The following PRKCA variants were observed in gnomAD, a reference collection of about 807,000 sequenced individuals.
PRKCA encodes protein kinase C alpha.
Under a neutral mutation model 87.0 loss-of-function variants are expected in PRKCA, and 27 were observed. The ratio of observed to expected loss-of-function variants is 0.31; its 90% confidence interval spans 0.23 to 0.43. PRKCA has a LOEUF of 0.43. Among genes scored for constraint, PRKCA ranks in the 20% least tolerant of loss-of-function variants. The probability of loss-of-function intolerance (pLI) is 1.00; values close to 1 mark genes in which losing one functional copy is unlikely to be tolerated. For synonymous variants in PRKCA, 329 were observed against 311.1 expected, an observed-to-expected ratio of 1.06 and a Z score of -0.61; for missense variants, 518 against 852.3, an observed-to-expected ratio of 0.61 and a Z score of 4.88.
chr17:66,502,055 C>G (rs1162735289), intron 3 of PRKCA, among the ~76,000 whole-genome samples: 1 of 152,168 alleles, frequency 6.6e-6, no homozygotes, highest in Non-Finnish European at 1.5e-5. Flanking sequence ...TCTTCTTGAT[C>G]AGTGCGGAGC....
chr17:66,375,305 G>A (rs976690137), intron 2 of PRKCA, among the ~76,000 whole-genome samples: 5 of 152,114 alleles, frequency 3.3e-5, no homozygotes, highest in African/African-American at 7.2e-5. Flanking sequence ...CCTGTCACCC[G>A]GAAAAACCCT....
At chr17:66,393,602 C>T (rs1372325288) in intron 2 of PRKCA, among the ~76,000 whole-genome samples, 1 of 151,936 alleles carries the variant, frequency 6.6e-6, no homozygotes, top group East Asian at 1.9e-4. Context: ...CACATGGGTC[C>T]CTGCAGGAGG....
intron 3 of PRKCA, among the ~76,000 whole-genome samples, chr17:66,630,520 G>T (rs1043613948): frequency 2.0e-5 from 3 of 152,198 alleles, no homozygotes; most frequent in Non-Finnish European, 4.4e-5. Context: ...ACAGACTGTC[G>T]TTCAGTTTCA....
chr17:66,797,428 G>A (rs957365907), intron 16 of PRKCA, among the ~76,000 whole-genome samples: 1 of 152,232 alleles, frequency 6.6e-6, no homozygotes, highest in African/African-American at 2.4e-5. Flanking sequence ...CCAGAGATCA[G>A]AAAGAGGGAG....
At position 66,558,716 on chromosome 17, in the gene PRKCA, G is replaced by A. The variant is rs76490919; in HGVS notation, c.288+62433G>A. Among the ~76,000 whole-genome samples the A allele has an allele frequency of 3.8e-3, 583 of 152,296 alleles. 4 individuals carry two copies. Among genetic ancestry groups the A allele is most frequent in the African/African-American group, 0.013 (549 of 41,560 alleles). On this transcript the variant is annotated intron_variant, in intron 3 of 16. Transcript: ENST00000413366. ...GGGGAGGGAGGACAGACTGTAAGTGGAAAAGAGAGAATGTGAGAAGAGTAG... is the reference window on the plus strand; with the variant it reads ...GGGGAGGGAGGACAGACTGTAAGTGAAAAAGAGAGAATGTGAGAAGAGTAG...
chr17:66,522,578 C>T (rs937401604), intron 3 of PRKCA, among the ~76,000 whole-genome samples: 5 of 151,986 alleles, frequency 3.3e-5, no homozygotes, highest in Non-Finnish European at 5.9e-5. Context: ...ATAAAGAGAC[C>T]GAATTCCTTC....
chr17:66,708,876 G>A (rs555717623), intron 8 of PRKCA, among the ~76,000 whole-genome samples: 14 of 152,246 alleles, frequency 9.2e-5, no homozygotes, highest in South Asian at 2.1e-4. Context: ...GATTAAGATC[G>A]CTATCCTAAA....
intron 2 of PRKCA, among the ~76,000 whole-genome samples, chr17:66,488,298 G>T (rs144005151): frequency 1.1e-3 from 171 of 152,266 alleles, no homozygotes; most frequent in African/African-American, 4.0e-3. Flanking sequence ...AAATTATATG[G>T]TATGTAAATG....
chr17:66,722,136 G>A (rs763042790), intron 8 of PRKCA, among the ~76,000 whole-genome samples: 7 of 152,158 alleles, frequency 4.6e-5, no homozygotes. Context: ...TTAGAGGTCA[G>A]AAATTTCTAT....
intron 3 of PRKCA, among the ~76,000 whole-genome samples, chr17:66,504,940 G>A (rs574009793): frequency 9.9e-5 from 15 of 152,148 alleles, no homozygotes; most frequent in East Asian, 1.9e-4. Flanking sequence ...ATGTCCTGTC[G>A]GGACCCCCCT....
chr17:66,778,592 C>T (rs1379805968), intron 14 of PRKCA, among the ~76,000 whole-genome samples: 2 of 152,014 alleles, frequency 1.3e-5, no homozygotes, highest in African/African-American at 4.8e-5. Flanking sequence ...TGGCTCATCC[C>T]TTTGGGGCCC....
intron 14 of PRKCA, among the ~76,000 whole-genome samples, chr17:66,784,625 GA>G (rs1430593474): frequency 6.6e-6 from 1 of 152,234 alleles, no homozygotes; most frequent in African/African-American, 2.4e-5. Flanking sequence ...GGGAAAATGA[GA>G]AATGTTATGG....
At chr17:66,336,974 A>G (rs1436520415) in intron 2 of PRKCA, among the ~76,000 whole-genome samples, 3 of 152,080 alleles carry the variant, frequency 2.0e-5, no homozygotes, top group Non-Finnish European at 2.9e-5. Context: ...TACTTTTAGT[A>G]GAGATGGGGT....
In PRKCA at chr17:66,418,657, G is replaced by A. The variant is rs371689373; in HGVS notation, c.206-77544G>A. Among the ~76,000 whole-genome samples the A allele has an allele frequency of 6.6e-5, 10 of 151,984 alleles. 1 individual carries two copies. The highest frequency in any genetic ancestry group is 6.2e-4 in the South Asian group (3 of 4,806). On this transcript the variant is annotated intron_variant, in intron 2 of 16. Transcript: ENST00000413366. ...TCACCATATTGGCCAGGGTGGCCTCGATCTCCTGACCTCAAGTGATCTTCC... is the reference window on the plus strand; with the variant it reads ...TCACCATATTGGCCAGGGTGGCCTCAATCTCCTGACCTCAAGTGATCTTCC...
intron 3 of PRKCA, among the ~76,000 whole-genome samples, chr17:66,605,510 A>G (rs1310080410): frequency 6.6e-6 from 1 of 152,256 alleles, no homozygotes; most frequent in African/African-American, 2.4e-5. Context: ...TCTGGAATGT[A>G]CATTGGTACA....
At chr17:66,798,452 ACGGTGGTGG>A (rs1975740664) in intron 16 of PRKCA, among the ~76,000 whole-genome samples, 1 of 8,954 alleles carries the variant, frequency 1.1e-4, no homozygotes, top group African/African-American at 5.1e-4. Flanking sequence ...GGTGGTGGTG[ACGGTGGTGG>A]TGGTGGTGGT....
At chr17:66,495,566 T>TATTTTA (rs1567858271) in intron 2 of PRKCA, among the ~76,000 whole-genome samples, 4 of 151,762 alleles carry the variant, frequency 2.6e-5, no homozygotes, top group African/African-American at 2.4e-5. Flanking sequence ...TATTTTATTT[T>TATTTTA]TTGAGACGGA....
intron 3 of PRKCA, among the ~76,000 whole-genome samples, chr17:66,520,581 A>G (rs1312755750): frequency 1.3e-5 from 2 of 152,240 alleles, no homozygotes; most frequent in Non-Finnish European, 2.9e-5. Flanking sequence ...TTGAATGCAC[A>G]GTTTGTATTT....
intron 3 of PRKCA, among the ~76,000 whole-genome samples, chr17:66,551,658 G>A (rs1406031611): frequency 6.6e-6 from 1 of 152,138 alleles, no homozygotes; most frequent in African/African-American, 2.4e-5. Context: ...GATATTGTTT[G>A]AACACTTAAG....
Sources: gnomAD v4.1 joint callset for allele counts (sites outside exome capture counted in the v4.1 genomes callset) on GRCh38, gnomAD v4.1.1 for gene constraint, MANE v1.5 for transcripts, NCBI Gene and HGNC (gene_info 2026-07-23, HGNC 2026-07-21) for gene names.